The following ST7 variants were observed in gnomAD, a reference collection of about 807,000 sequenced individuals.
ST7 encodes the protein suppressor of tumorigenicity 7 protein.
A neutral mutation model predicts 78.7 loss-of-function variants in ST7; 28 were observed. The ratio of observed to expected loss-of-function variants is 0.36; its 90% CI spans 0.26 to 0.49. The LOEUF is 0.49. Ranked by LOEUF, ST7 falls within the 20% of genes least tolerant of loss-of-function variation. The pLI is 0.99. For missense variants in ST7, 418 were observed against 696.0 expected (o/e 0.60, Z 4.49); for synonymous variants, 247 against 249.6 (o/e 0.99, Z 0.10).
At position 117,219,031 on chromosome 7, in the gene ST7, G is replaced by A; in HGVS notation, c.1406-53G>A. 1 of 1,470,242 alleles carries A rather than the reference G, an allele frequency of 6.8e-7. No individual in the cohort carries two copies. Among genetic ancestry groups the A allele is most frequent in the Non-Finnish European group, 9.4e-7 (1 of 1,066,676 alleles). The allele number at this position is 1,470,242 out of a possible 1,614,324, so 91.1% of individuals were successfully genotyped here. A position where few individuals can be genotyped will look rare whatever the true frequency, so the allele number is the denominator to read the frequency against. On this transcript the variant is annotated intron_variant, in intron 13 of 15. Transcript: ENST00000323984. This position sits in a 1 kb window ranked among gnomAD's most constrained non-coding sequence, Gnocchi z 5.1. ...CTCAAACGCCCCTTTTTGCAGTTGG[G>A]AAGTTATGACACAAACATTGGACAT... is the stretch of plus-strand genomic sequence containing the variant.
chr7:117,227,839 CAGA>C (rs1693987562), intron 15 of ST7, among the ~76,000 whole-genome samples: 1 of 152,142 alleles, frequency 6.6e-6, no homozygotes, highest in Non-Finnish European at 1.5e-5. Flanking sequence ...AGGATAATTT[CAGA>C]AGATTATCAG....
At chr7:116,958,744 T>C (rs2116140715) in intron 1 of ST7, 1 of 468,066 alleles carries the variant, frequency 2.1e-6, no homozygotes. Context: ...TCACACTATA[T>C]TGTATTATAT....
Position 116,978,694 on chromosome 7 carries a change from C to G in ST7, c.151+25003C>G, listed in dbSNP as rs1793813165. 2.6e-5 allele frequency among the ~76,000 whole-genome samples: 4 copies of G among 152,156 alleles called. No individual in the cohort carries two copies. In the South Asian group the frequency reaches 8.3e-4, roughly 32 times the overall value. ...CTACAGCTCCCAGGTTCAAGCGATTCTCGTGCCTCAGCCTCCGAGTAGCTG... is the reference window on the plus strand; with the variant it reads ...CTACAGCTCCCAGGTTCAAGCGATTGTCGTGCCTCAGCCTCCGAGTAGCTG... On this transcript the variant is annotated intron_variant, in intron 1 of 15. Transcript: ENST00000323984.
intron 2 of ST7, among the ~76,000 whole-genome samples, chr7:117,106,616 CTTTTTTT>C (rs758855564): frequency 9.3e-6 from 1 of 107,726 alleles, no homozygotes; most frequent in Non-Finnish European, 1.9e-5. Context: ...TTGTATCATT[CTTTTTTT>C]TTTTTTTTTT....
At chr7:117,083,736 C>T (rs575967715) in intron 1 of ST7, among the ~76,000 whole-genome samples, 1 of 151,960 alleles carries the variant, frequency 6.6e-6, no homozygotes. Context: ...TGTAATGAAG[C>T]ATATTCTCTT....
At chr7:116,973,903 C>T (rs1793566989) in intron 1 of ST7, among the ~76,000 whole-genome samples, 1 of 152,282 alleles carries the variant, frequency 6.6e-6, no homozygotes, top group Non-Finnish European at 1.5e-5. Flanking sequence ...CTGCATGGAC[C>T]TCTTTACACA....
At chr7:117,071,611 T>C (rs1798965780) in intron 1 of ST7, among the ~76,000 whole-genome samples, 1 of 152,210 alleles carries the variant, frequency 6.6e-6, no homozygotes, top group African/African-American at 2.4e-5. Context: ...TATCATGGCA[T>C]GTATAGAAAG....
At chr7:117,124,355 A>C (rs1182282944) in intron 3 of ST7, among the ~76,000 whole-genome samples, 1 of 152,028 alleles carries the variant, frequency 6.6e-6, no homozygotes, top group Non-Finnish European at 1.5e-5. Flanking sequence ...TTTTATAGTT[A>C]AGGGAGCTGA....
intron 12 of ST7, chr7:117,198,258 T>A (rs947401236): frequency 2.2e-6 from 1 of 450,376 alleles, no homozygotes; most frequent in Non-Finnish European, 4.5e-6. Context: ...ACCTGCTCAG[T>A]ACATGTTGGC....
intron 10 of ST7, among the ~76,000 whole-genome samples, chr7:117,185,652 G>A (rs1012494331): frequency 6.6e-6 from 1 of 152,184 alleles, no homozygotes; most frequent in Non-Finnish European, 1.5e-5. Flanking sequence ...TAGGCCGGGT[G>A]CAGTGGCTCG....
intron 1 of ST7, among the ~76,000 whole-genome samples, chr7:116,971,408 T>G (rs1047719831): frequency 2.0e-5 from 3 of 151,954 alleles, no homozygotes; most frequent in Admixed American, 1.3e-4. Context: ...AGTGGTCACC[T>G]CAACATAAGG....
At chr7:116,989,894 T>C (rs924997622) in intron 1 of ST7, among the ~76,000 whole-genome samples, 3 of 152,136 alleles carry the variant, frequency 2.0e-5, no homozygotes, top group Non-Finnish European at 4.4e-5. Context: ...TAGAAAACCA[T>C]ATGTATGTGT....
intron 13 of ST7, among the ~76,000 whole-genome samples, chr7:117,214,997 A>G (rs1320872081): frequency 1.3e-5 from 2 of 151,682 alleles, no homozygotes; most frequent in Admixed American, 1.3e-4. Context: ...CACACCTCAC[A>G]TCAGATAGAT....
At chr7:117,155,055 T>C (rs766722980) in intron 9 of ST7, among the ~76,000 whole-genome samples, 5 of 151,998 alleles carry the variant, frequency 3.3e-5, no homozygotes, top group Non-Finnish European at 5.9e-5. Context: ...AAGATAATGA[T>C]AGGTGCTATA....
At chr7:117,167,128 A>G (rs1377730049) in intron 9 of ST7, among the ~76,000 whole-genome samples, 3 of 151,138 alleles carry the variant, frequency 2.0e-5, no homozygotes, top group Admixed American at 2.0e-4. Context: ...TGTGCAGGTT[A>G]GTTACATACG....
At chr7:117,115,371 T>C (rs1203080698) in intron 2 of ST7, among the ~76,000 whole-genome samples, 1 of 150,250 alleles carries the variant, frequency 6.7e-6, no homozygotes, top group Non-Finnish European at 1.5e-5. Context: ...TTTTTTTTTT[T>C]TGAGACACAG....
chr7:117,081,992 G>T (rs1055195113), intron 1 of ST7, among the ~76,000 whole-genome samples: 1 of 152,050 alleles, frequency 6.6e-6, no homozygotes, highest in Admixed American at 6.6e-5. Context: ...AATCAGGAAG[G>T]GCAGGCTGGA....
Position 117,209,945 on chromosome 7 carries a change from A to T in ST7, c.1405+8A>T, listed in dbSNP as rs773559424. 6.2e-7 allele frequency: 1 copy of T among 1,601,930 alleles called. No individual in the cohort carries two copies. The highest frequency in any genetic ancestry group is 8.5e-7 in the Non-Finnish European group (1 of 1,177,180). ...ATTGTACGTGGGAAGGCAGTAAGTA[A>T]TTTTCTTTTTTTGAAACATTTTTAA... On this transcript the variant is annotated splice_region_variant and intron_variant, in intron 13 of 15. Coordinates refer to ENST00000323984, the MANE Select transcript of ST7 (RefSeq NM_001369598.1).
chr7:117,127,995 A>G (rs552213416), intron 3 of ST7, among the ~76,000 whole-genome samples: 1 of 151,990 alleles, frequency 6.6e-6, no homozygotes, highest in East Asian at 1.9e-4. Context: ...ATGATGATGT[A>G]TTTGTTGGAG....
Sources: gnomAD v4.1 joint callset for allele counts (sites outside exome capture counted in the v4.1 genomes callset) on GRCh38, gnomAD v4.1.1 for gene constraint, Gnocchi (gnomAD v3.1) non-coding constraint, MANE v1.5 for transcripts, NCBI Gene and HGNC (gene_info 2026-07-23, HGNC 2026-07-21) for gene names.